The following NFAM1 variants were observed in gnomAD, a reference collection of about 807,000 sequenced individuals.
NFAM1 encodes the protein NFAT activating protein with ITAM motif 1.
Under a neutral mutation model 29.0 loss-of-function variants are expected in NFAM1, and 17 were observed. The observed-to-expected ratio is 0.59, with a 90% confidence interval of 0.40 to 0.88. The LOEUF is 0.88. Among genes scored for constraint, NFAM1 ranks in the 40% least tolerant of loss-of-function variants. The pLI, the probability that NFAM1 is intolerant of heterozygous loss-of-function variation, is 0.00. For missense variants in NFAM1, 324 were observed against 344.6 expected (o/e 0.94, Z 0.47); for synonymous variants, 175 against 147.2 (o/e 1.19, Z -1.36).
chr22:42,423,345 G>A (rs1930511432), intron 1 of NFAM1, among the ~76,000 whole-genome samples: 2 of 152,108 alleles, frequency 1.3e-5, no homozygotes, highest in African/African-American at 2.4e-5. Flanking sequence ...GGGTTCCTGG[G>A]AAGGCAACTC....
At chr22:42,394,616 G>C (rs1416852459) in intron 4 of NFAM1, among the ~76,000 whole-genome samples, 1 of 152,122 alleles carries the variant, frequency 6.6e-6, no homozygotes. Flanking sequence ...CCATATCAAA[G>C]GGAAGTTCAT....
At chr22:42,398,835 AAC>A (rs1168287983) in intron 3 of NFAM1, among the ~76,000 whole-genome samples, 1 of 152,146 alleles carries the variant, frequency 6.6e-6, no homozygotes, top group Admixed American at 6.5e-5. Context: ...TTGCTCAACC[AAC>A]ACACACTTGA....
At chr22:42,429,396 A>T (rs2146559845) in intron 1 of NFAM1, among the ~76,000 whole-genome samples, 1 of 152,238 alleles carries the variant, frequency 6.6e-6, no homozygotes, top group Non-Finnish European at 1.5e-5. Flanking sequence ...TGGGGGGATC[A>T]CCTGAGGTCA....
chr22:42,390,135 C>T (rs1270781806), intron 4 of NFAM1, among the ~76,000 whole-genome samples: 3 of 152,164 alleles, frequency 2.0e-5, no homozygotes, highest in Admixed American at 2.0e-4. Flanking sequence ...CCAGGCTGGG[C>T]TGGGACAGAG....
At chr22:42,412,234 G>GA (rs899410708) in intron 1 of NFAM1, among the ~76,000 whole-genome samples, 54 of 143,130 alleles carry the variant, frequency 3.8e-4, no homozygotes, top group Non-Finnish European at 4.3e-4. Context: ...GTCCGTCTCA[G>GA]AAAAAAAAAA....
At position 42,411,508 on chromosome 22, in the gene NFAM1, G is replaced by A; in HGVS notation, c.350C>T (p.Thr117Ile). The A allele has an allele frequency of 1.2e-6, 2 of 1,614,224 alleles. No homozygotes were observed. Among genetic ancestry groups the A allele is most frequent in the Non-Finnish European group, 1.7e-6 (2 of 1,180,038 alleles). Residue 117 changes from threonine to isoleucine, a missense_variant, in exon 2 of 6, where the codon ACC becomes ATC. Transcript: ENST00000329021. Reference sequence around the variant, plus strand: ...GGCCGATGCTCCCGGCAGCACAAGGGTGACCTGGCAGTCCAGGGTGTGGCT... The same window carrying A: ...GGCCGATGCTCCCGGCAGCACAAGGATGACCTGGCAGTCCAGGGTGTGGCT... ...NQSHTLDCQV[T>I]LVLPGASATG...
chr22:42,431,872 C>T (rs899091951), intron 1 of NFAM1, among the ~76,000 whole-genome samples: 23 of 151,888 alleles, frequency 1.5e-4, no homozygotes, highest in Non-Finnish European at 2.9e-4. Context: ...GTGTCCCCCG[C>T]AGCAGCCACG....
chr22:42,397,371 A>G (rs921314178), intron 4 of NFAM1, among the ~76,000 whole-genome samples: 1 of 152,242 alleles, frequency 6.6e-6, no homozygotes, highest in Admixed American at 6.5e-5. Flanking sequence ...GATTGTGACC[A>G]TGTAAGATAA....
chr22:42,430,596 G>T (rs528579221), intron 1 of NFAM1, among the ~76,000 whole-genome samples: 80 of 148,408 alleles, frequency 5.4e-4, no homozygotes, highest in Admixed American at 2.6e-3. Flanking sequence ...GTGGGGGTTT[G>T]TCTGCTGCTC....
At chr22:42,393,571 A>G (rs1601736947) in intron 4 of NFAM1, among the ~76,000 whole-genome samples, 1 of 130,846 alleles carries the variant, frequency 7.6e-6, no homozygotes. Context: ...ACCACGCCTG[A>G]CTAATTTTTT....
chr22:42,406,582 C>T (rs1929906322), intron 3 of NFAM1, among the ~76,000 whole-genome samples: 2 of 152,140 alleles, frequency 1.3e-5, no homozygotes, highest in South Asian at 2.1e-4. Flanking sequence ...CCCACTGGCA[C>T]GCCCAGCCCT....
chr22:42,435,806 T>TTTC (rs201045671), upstream of NFAM1, among the ~76,000 whole-genome samples: 2 of 146,770 alleles, frequency 1.4e-5, no homozygotes, highest in East Asian at 3.9e-4. Context: ...AAGATTTCCT[T>TTTC]TTCTTCTTCT....
chr22:42,431,466 G>A (rs921426703), intron 1 of NFAM1, among the ~76,000 whole-genome samples: 3 of 152,190 alleles, frequency 2.0e-5, no homozygotes, highest in Non-Finnish European at 2.9e-5. Context: ...CCAAGGAGGG[G>A]CAGAGAGAAT....
At chr22:42,408,876 C>T (rs952821907) in intron 3 of NFAM1, among the ~76,000 whole-genome samples, 1 of 152,190 alleles carries the variant, frequency 6.6e-6, no homozygotes, top group Non-Finnish European at 1.5e-5. Flanking sequence ...ACTTACTATG[C>T]GACCCTGGGC....
At chr22:42,416,475 G>C (rs1930264695) in intron 1 of NFAM1, among the ~76,000 whole-genome samples, 1 of 152,156 alleles carries the variant, frequency 6.6e-6, no homozygotes, top group Non-Finnish European at 1.5e-5. Flanking sequence ...ATTGGCACTG[G>C]GCACAGTAGC....
At chr22:42,391,869 T>C (rs886413680) in intron 4 of NFAM1, among the ~76,000 whole-genome samples, 7 of 137,906 alleles carry the variant, frequency 5.1e-5, no homozygotes, top group Admixed American at 5.1e-4. Flanking sequence ...CACTTGAACC[T>C]GGGAGGCGGA....
At chr22:42,430,995 G>C (rs112059355) in intron 1 of NFAM1, among the ~76,000 whole-genome samples, 2,010 of 152,318 alleles carry the variant, frequency 0.013, 39 homozygotes, top group African/African-American at 0.046. Flanking sequence ...TGGTGTCCTA[G>C]GGCTCTGGGC....
At chr22:42,420,497 G>T (rs1488264555) in intron 1 of NFAM1, among the ~76,000 whole-genome samples, 6 of 150,086 alleles carry the variant, frequency 4.0e-5, no homozygotes, top group Admixed American at 4.0e-4. Flanking sequence ...TGGGTGCAGT[G>T]GGTCACGCCT....
At chr22:42,429,752 A>G (rs369852759) in intron 1 of NFAM1, among the ~76,000 whole-genome samples, 30 of 152,344 alleles carry the variant, frequency 2.0e-4, no homozygotes, top group African/African-American at 6.5e-4. Flanking sequence ...CCCTGTGGAC[A>G]CAGCTGAGGG....
Sources: allele counts gnomAD v4.1 joint callset (sites outside exome capture counted in the v4.1 genomes callset), GRCh38; gene constraint gnomAD v4.1.1; transcripts MANE v1.5; gene names NCBI Gene and HGNC (gene_info 2026-07-23, HGNC 2026-07-21).